Variants in UNC5D observed in about 807,000 individuals in gnomAD.
The protein encoded by UNC5D is unc-5 netrin receptor D.
Under a neutral mutation model 105.4 loss-of-function variants are expected in UNC5D, and 39 were observed. The ratio of observed to expected loss-of-function variants is 0.37; its 90% CI spans 0.29 to 0.48. The LOEUF is 0.48. UNC5D is among the 20% of genes least tolerant of loss of function. The pLI is 0.98. For synonymous variants in UNC5D, 452 were observed against 450.4 expected (o/e 1.00, Z -0.04); for missense variants, 991 against 1,202.4 (o/e 0.82, Z 2.60).
chr8:35,567,983 C>A, intron 2 of UNC5D, 115 bp from the exon 3 acceptor site: 1 of 1,464,886 alleles, frequency 6.8e-7, no homozygotes, highest in Non-Finnish European at 9.2e-7. Context: ...AAAACCTTGC[C>A]TTGATTAAAA....
intron 3 of UNC5D, among the ~76,000 whole-genome samples, chr8:35,588,389 C>T (rs1818936865): frequency 6.6e-6 from 1 of 152,114 alleles, no homozygotes; most frequent in Non-Finnish European, 1.5e-5. Flanking sequence ...CAGTACAAGT[C>T]TGATTGAGAC....
intron 4 of UNC5D, among the ~76,000 whole-genome samples, chr8:35,649,847 CAG>C (rs1187593220): frequency 6.6e-6 from 1 of 152,124 alleles, no homozygotes; most frequent in Admixed American, 6.5e-5. Context: ...TACTTAGAAA[CAG>C]ACATAAAGCA....
intron 1 of UNC5D, among the ~76,000 whole-genome samples, chr8:35,289,272 C>T (rs1258492946): frequency 6.6e-6 from 1 of 152,082 alleles, no homozygotes; most frequent in Non-Finnish European, 1.5e-5. Flanking sequence ...AAGTTTGTTA[C>T]ATAATGACAA....
chr8:35,714,065 G>A (rs182339643), intron 8 of UNC5D, among the ~76,000 whole-genome samples: 1 of 152,196 alleles, frequency 6.6e-6, no homozygotes, highest in Non-Finnish European at 1.5e-5. Flanking sequence ...AAGACTGGGG[G>A]TGTGGGTGGA....
In UNC5D at chr8:35,235,860, T is replaced by C; in HGVS notation, c.76T>C (p.Trp26Arg). The stretch of plus-strand genomic sequence containing the variant: ...GCTCCCGTGGCTGGGGCTGTGCTTC[T>C]GGGCGGCAGGGACCGCGGCTGCCCG... ...RWLPWLGLCF[W>R]AAGTAAARGT... is the part of the protein sequence containing the mutation. The change falls in exon 1 of 17, where the codon TGG becomes CGG. Residue 26 changes from tryptophan (W) to arginine (R), a missense_variant. Physicochemically the swap from Trp to Arg is moderately radical, Grantham distance 101. Around this residue, in one of 3 missense-constraint regions of UNC5D, gnomAD observed 944 missense variants for 1,131.6 expected, o/e 0.83. Coordinates refer to ENST00000404895, the MANE Select transcript of UNC5D (RefSeq NM_080872.4). 1 of 1,230,096 alleles carries C rather than the reference T, an allele frequency of 8.1e-7. No homozygotes were observed. Among genetic ancestry groups the C allele is most frequent in the Non-Finnish European group, 1.0e-6 (1 of 986,686 alleles). 76.2% of individuals were successfully genotyped at this position (1,230,096 alleles called of 1,614,324 possible).
chr8:35,352,662 G>T (rs1812320028), intron 1 of UNC5D, among the ~76,000 whole-genome samples: 1 of 152,058 alleles, frequency 6.6e-6, no homozygotes. Flanking sequence ...ACCCAGGCTG[G>T]AGTACAGTAG....
At chr8:35,383,040 C>A (rs1280047812) in intron 1 of UNC5D, among the ~76,000 whole-genome samples, 1 of 152,174 alleles carries the variant, frequency 6.6e-6, no homozygotes, top group African/African-American at 2.4e-5. Flanking sequence ...AAAGGAAGTG[C>A]ATTTAGTGAT....
chr8:35,427,904 T>C (rs1329890632), intron 1 of UNC5D, among the ~76,000 whole-genome samples: 1 of 152,214 alleles, frequency 6.6e-6, no homozygotes, highest in Non-Finnish European at 1.5e-5. Context: ...GGGCAGTGCA[T>C]GTAAAAACTC....
At chr8:35,697,943 A>G (rs1826904416) in intron 7 of UNC5D, among the ~76,000 whole-genome samples, 1 of 152,022 alleles carries the variant, frequency 6.6e-6, no homozygotes, top group African/African-American at 2.4e-5. Flanking sequence ...AGTCATCATA[A>G]CAAACACTTC....
intron 4 of UNC5D, among the ~76,000 whole-genome samples, chr8:35,627,436 C>T (rs908845133): frequency 1.3e-5 from 2 of 152,208 alleles, no homozygotes; most frequent in African/African-American, 2.4e-5. Flanking sequence ...CACCATTCCT[C>T]TCATAGCAGT....
intron 1 of UNC5D, among the ~76,000 whole-genome samples, chr8:35,498,470 A>T (rs966777477): frequency 1.3e-5 from 2 of 152,190 alleles, no homozygotes; most frequent in African/African-American, 4.8e-5. Flanking sequence ...TACAGGAAAC[A>T]TGCAAAGTTA....
chr8:35,249,519 C>T (rs975686236), intron 1 of UNC5D, among the ~76,000 whole-genome samples: 9 of 150,492 alleles, frequency 6.0e-5, no homozygotes, highest in African/African-American at 2.2e-4. Flanking sequence ...GATTGCACCA[C>T]TGCACTCCAG....
intron 5 of UNC5D, among the ~76,000 whole-genome samples, 192 bp from the exon 6 acceptor site, chr8:35,684,390 A>G (rs1825871123): frequency 6.6e-6 from 1 of 152,032 alleles, no homozygotes; most frequent in Non-Finnish European, 1.5e-5. Context: ...CCTATTTCAG[A>G]TGAATAGGCT....
At chr8:35,753,400 C>A (rs1402291735) in intron 13 of UNC5D, among the ~76,000 whole-genome samples, 1 of 152,070 alleles carries the variant, frequency 6.6e-6, no homozygotes, top group Non-Finnish European at 1.5e-5. Flanking sequence ...TCCTGAGTAG[C>A]TGAGACTACA....
chr8:35,516,208 G>T (rs1813083504), intron 1 of UNC5D, among the ~76,000 whole-genome samples: 1 of 152,090 alleles, frequency 6.6e-6, no homozygotes, highest in Non-Finnish European at 1.5e-5. Flanking sequence ...CCACTTCATA[G>T]ACATTGTTTA....
intron 4 of UNC5D, among the ~76,000 whole-genome samples, chr8:35,649,072 C>G (rs1823248091): frequency 1.3e-5 from 2 of 152,108 alleles, no homozygotes; most frequent in South Asian, 4.1e-4. Flanking sequence ...AGATTATGTT[C>G]TTAGAAAAAG....
intron 4 of UNC5D, among the ~76,000 whole-genome samples, chr8:35,627,649 C>A (rs1703248269): frequency 6.6e-6 from 1 of 152,256 alleles, no homozygotes; most frequent in East Asian, 1.9e-4. Context: ...TAAAACTTGA[C>A]TGGGCGCGGT....
intron 4 of UNC5D, among the ~76,000 whole-genome samples, chr8:35,665,667 A>G (rs943534150): frequency 2.5e-5 from 3 of 118,610 alleles, no homozygotes; most frequent in Admixed American, 8.3e-5. Flanking sequence ...TGCATTTTGC[A>G]TTTTTTTCAT....
rs150695036 is a variant in UNC5D, at chr8:35,651,208, A to G, written c.571-32339A>G. On this transcript the variant is annotated intron_variant, in intron 4 of 16. Transcript: ENST00000404895. ...GTGGGACATGTTCCTTGAAAGCAGT[A>G]TATGTGAATACGGCAGAAATTCCCT... Among the ~76,000 whole-genome samples, 465 of 152,332 alleles carry G rather than the reference A, an allele frequency of 3.1e-3. 9 individuals are homozygous for G. The highest frequency in any genetic ancestry group is 0.026 in the Admixed American group (404 of 15,304).
Sources: gnomAD v4.1 joint callset for allele counts (sites outside exome capture counted in the v4.1 genomes callset) on GRCh38, gnomAD v4.1.1 for gene constraint, gnomAD v4.1.1 regional missense constraint, MANE v1.5 for transcripts, NCBI Gene and HGNC (gene_info 2026-07-23, HGNC 2026-07-21) for gene names.